FBLN7: variants seen among roughly 807,000 people sequenced by gnomAD.
FBLN7 encodes fibulin 7.
A neutral mutation model predicts 44.0 loss-of-function variants in FBLN7; 31 were observed. The ratio of observed to expected loss-of-function variants is 0.70; its 90% CI spans 0.53 to 0.95. FBLN7 has a LOEUF of 0.95. FBLN7 is among the 40% of genes least tolerant of loss of function. The pLI, the probability that FBLN7 is intolerant of heterozygous loss-of-function variation, is 0.00. For synonymous variants in FBLN7, 262 were observed against 253.4 expected, an observed-to-expected ratio of 1.03 and a Z score of -0.32; for missense variants, 573 against 618.5, an observed-to-expected ratio of 0.93 and a Z score of 0.78.
In FBLN7 at chr2:112,147,589, T is replaced by G. The variant is rs536291590; in HGVS notation, c.75+8859T>G. On this transcript the variant is annotated intron_variant, in intron 1 of 7. Coordinates refer to ENST00000331203, the MANE Select transcript of FBLN7 (RefSeq NM_153214.3). ...CCCTGGAGCCCAGACTCCCCCGGCC[T>G]CTCTGCATTTGGCTCCCGCCTTGCT... Among the ~76,000 whole-genome samples the G allele has an allele frequency of 3.6e-3, 555 of 152,292 alleles. 3 individuals carry two copies. The highest frequency in any genetic ancestry group is 0.013 in the African/African-American group (538 of 41,560).
At position 112,140,151 on chromosome 2, in the gene FBLN7, T is replaced by TGTCCCTCCCGCCTCTCTCCAGGCCAGC. The variant is rs1226197840; in HGVS notation, c.75+1448_75+1474dup. Reference sequence around the variant, plus strand: ...TCCCTCCCGCCTCTCTCCACGCCAGTGTCCCTCCCGCCTCTCTCCAGGCCA... The same window carrying TGTCCCTCCCGCCTCTCTCCAGGCCAGC: ...TCCCTCCCGCCTCTCTCCACGCCAGTGTCCCTCCCGCCTCTCTCCAGGCCAGCGTCCCTCCCGCCTCTCTCCAGGCCA... On this transcript the variant is annotated intron_variant, in intron 1 of 7. Coordinates refer to ENST00000331203, the MANE Select transcript of FBLN7 (RefSeq NM_153214.3). Among the ~76,000 whole-genome samples the TGTCCCTCCCGCCTCTCTCCAGGCCAGC allele has an allele frequency of 9.7e-5, 9 of 92,822 alleles. No individual in the cohort carries two copies. In the East Asian group the frequency reaches 1.5e-3, roughly 15 times the overall value. The allele number at this position is 92,822 out of a possible 152,430, so 60.9% of individuals were successfully genotyped here. A position where few individuals can be genotyped will look rare whatever the true frequency, so the allele number is the denominator to read the frequency against.
intron 1 of FBLN7, among the ~76,000 whole-genome samples, chr2:112,159,391 G>T (rs1681604058): frequency 6.6e-6 from 1 of 152,168 alleles, no homozygotes; most frequent in African/African-American, 2.4e-5. Flanking sequence ...ATCTCTCAGA[G>T]TGGCAGCGTG....
the FBLN7 span, among the ~76,000 whole-genome samples, chr2:112,233,032 A>G: frequency 6.6e-6 from 1 of 152,212 alleles, no homozygotes; most frequent in South Asian, 2.1e-4. Flanking sequence ...GACCCTCTAT[A>G]CCACCCAGGT....
rs371987292 is a variant in FBLN7, at chr2:112,187,190, A to G, written c.1004A>G (p.Lys335Arg). 8 of 1,613,930 alleles carry G rather than the reference A, an allele frequency of 5.0e-6. No homozygotes were observed. Among genetic ancestry groups the G allele is most frequent in the Non-Finnish European group, 5.9e-6 (7 of 1,179,972 alleles). ...MDSRPCRHLP[K>R]TISFHYLSLP... ...AGCAGGCCCTGCCGCCATCTGCCCA[A>G]GACCATCTCCTTCCATTACCTCTCT... The change falls in exon 8 of 8, where the codon AAG becomes AGG. Residue 335 changes from lysine to arginine, a missense_variant. Transcript: ENST00000331203. The surrounding 1 kb of genome is among the most constrained non-coding windows in gnomAD (Gnocchi z 5.1).
intron 3 of FBLN7, among the ~76,000 whole-genome samples, chr2:112,174,095 C>G (rs1682615369): frequency 6.6e-6 from 1 of 152,240 alleles, no homozygotes; most frequent in South Asian, 2.1e-4. Flanking sequence ...TACTGGTGTT[C>G]ACATTTTCTG....
the FBLN7 span, among the ~76,000 whole-genome samples, chr2:112,233,766 G>C: frequency 6.6e-6 from 1 of 152,116 alleles, no homozygotes; most frequent in East Asian, 1.9e-4. Context: ...CTACTTGGGA[G>C]GCTGAGGCAG....
the FBLN7 span, among the ~76,000 whole-genome samples, chr2:112,223,658 A>G: frequency 3.7e-4 from 56 of 152,340 alleles, no homozygotes; most frequent in South Asian, 0.011. Flanking sequence ...AATGCTAACA[A>G]TCAATCTTTG....
the FBLN7 span, chr2:112,231,973 C>T: frequency 7.8e-7 from 1 of 1,284,364 alleles, no homozygotes. Context: ...AGGAAGAGAA[C>T]AATTTTAATC....
intron 2 of FBLN7, among the ~76,000 whole-genome samples, chr2:112,163,238 C>T (rs1055549430): frequency 1.3e-5 from 2 of 152,228 alleles, no homozygotes; most frequent in Non-Finnish European, 2.9e-5. Context: ...CTGCCAGCTG[C>T]ACTCCTGGAC....
At chr2:112,146,860 C>T (rs982461096) in intron 1 of FBLN7, among the ~76,000 whole-genome samples, 3 of 152,162 alleles carry the variant, frequency 2.0e-5, no homozygotes, top group Non-Finnish European at 2.9e-5. Context: ...GGAGAGCGAA[C>T]ATTCTTGCCT....
At chr2:112,207,734 T>C in the FBLN7 span, among the ~76,000 whole-genome samples, 1 of 152,204 alleles carries the variant, frequency 6.6e-6, no homozygotes, top group Non-Finnish European at 1.5e-5. Context: ...TGTAATGTCA[T>C]AACAAGTCAC....
the FBLN7 span, among the ~76,000 whole-genome samples, chr2:112,217,094 C>A: frequency 2.6e-5 from 4 of 152,092 alleles, no homozygotes; most frequent in African/African-American, 7.2e-5. Flanking sequence ...ACAGACCAGG[C>A]GCGGTGGCTC....
intron 6 of FBLN7, among the ~76,000 whole-genome samples, chr2:112,184,807 CAT>C (rs141347514): frequency 0.52 from 74,954 of 143,164 alleles, 19,794 homozygotes; most frequent in African/African-American, 0.61. Flanking sequence ...ACCATATATA[CAT>C]ATATATATAT....
chr2:112,197,234 AACACACACACACACACACACACACAC>A, the FBLN7 span, among the ~76,000 whole-genome samples: 4 of 89,334 alleles, frequency 4.5e-5, no homozygotes, highest in East Asian at 1.5e-3. Flanking sequence ...CGTAAGAGAA[AACACACACACACACACACACACACAC>A]ACACACACAC....
At chr2:112,211,917 C>T in the FBLN7 span, 1 of 152,206 alleles carries the variant, frequency 6.6e-6, no homozygotes, top group South Asian at 2.1e-4. Flanking sequence ...CTCCTCTTAA[C>T]CCTTCTAAAT....
At chr2:112,238,977 T>C in the FBLN7 span, among the ~76,000 whole-genome samples, 1 of 152,262 alleles carries the variant, frequency 6.6e-6, no homozygotes, top group African/African-American at 2.4e-5. Context: ...TAATGGTCCA[T>C]ATGAAAACCC....
intron 2 of FBLN7, among the ~76,000 whole-genome samples, chr2:112,160,836 G>GCACACGCGCGCACA (rs1312839157): frequency 0.023 from 2,765 of 121,842 alleles, 34 homozygotes; most frequent in Middle Eastern, 0.05. Context: ...ACGCATACAC[G>GCACACGCGCGCACA]CACGCACACG....
At chr2:112,205,778 A>T in the FBLN7 span, among the ~76,000 whole-genome samples, 12 of 151,986 alleles carry the variant, frequency 7.9e-5, no homozygotes, top group South Asian at 4.1e-4. Context: ...TTATTCTTTT[A>T]AAAAAAATGT....
chr2:112,240,099 A>G, the FBLN7 span, among the ~76,000 whole-genome samples: 1 of 152,242 alleles, frequency 6.6e-6, no homozygotes, highest in African/African-American at 2.4e-5. Flanking sequence ...TCTTGTCTCT[A>G]GGTCTTCAAG....
Sources: gnomAD v4.1 joint callset for allele counts (sites outside exome capture counted in the v4.1 genomes callset) on GRCh38, gnomAD v4.1.1 for gene constraint, Gnocchi (gnomAD v3.1) non-coding constraint, MANE v1.5 for transcripts, NCBI Gene and HGNC (gene_info 2026-07-23, HGNC 2026-07-21) for gene names.